The following GMDS variants were observed in gnomAD, a reference collection of about 807,000 sequenced individuals.
GMDS encodes GDP-mannose 4,6 dehydratase.
Under a neutral mutation model 49.9 loss-of-function variants are expected in GMDS, and 20 were observed. The ratio of observed to expected loss-of-function variants is 0.40; its 90% confidence interval spans 0.28 to 0.58. The LOEUF (loss-of-function observed/expected upper bound fraction) is 0.58. Ranked by LOEUF, GMDS falls within the 20% of genes least tolerant of loss-of-function variation. The pLI is 0.42. For missense variants in GMDS, 362 were observed against 481.4 expected (o/e 0.75, Z 2.32); for synonymous variants, 177 against 178.6 (o/e 0.99, Z 0.07).
At chr6:1,733,739 G>C (rs6596847) in intron 8 of GMDS, among the ~76,000 whole-genome samples, 149,761 of 152,218 alleles carry the variant, frequency 0.98, 73,693 homozygotes, top group East Asian at 1. Flanking sequence ...ATTGTCCCAA[G>C]TACTTGTGAG....
chr6:1,636,568 C>T (rs1048917260), intron 9 of GMDS, among the ~76,000 whole-genome samples: 4 of 152,210 alleles, frequency 2.6e-5, no homozygotes, highest in African/African-American at 9.7e-5. Context: ...CCTCTCTGGC[C>T]GTCCTGAAGG....
intron 7 of GMDS, among the ~76,000 whole-genome samples, chr6:1,813,242 A>C (rs1297508676): frequency 2.6e-5 from 4 of 151,344 alleles, no homozygotes; most frequent in African/African-American, 9.7e-5. Flanking sequence ...AAAAAAAAAA[A>C]AAAAAACCTT....
intron 7 of GMDS, among the ~76,000 whole-genome samples, chr6:1,927,436 C>T (rs922901276): frequency 3.3e-5 from 5 of 152,220 alleles, no homozygotes; most frequent in East Asian, 1.9e-4. Flanking sequence ...CAGAGGGTAG[C>T]GTGCTGTGTG....
chr6:1,747,062 T>C (rs1023071587), intron 7 of GMDS, among the ~76,000 whole-genome samples: 1 of 151,992 alleles, frequency 6.6e-6, no homozygotes, highest in Non-Finnish European at 1.5e-5. Context: ...TCCCATTTGG[T>C]AATTTGAGGG....
At chr6:2,007,816 A>G (rs1581506221) in intron 4 of GMDS, among the ~76,000 whole-genome samples, 1 of 152,328 alleles carries the variant, frequency 6.6e-6, no homozygotes, top group Non-Finnish European at 1.5e-5. Flanking sequence ...AATGGCTGAT[A>G]TTATAAAGTG....
At chr6:1,654,287 T>C (rs543349296) in intron 9 of GMDS, among the ~76,000 whole-genome samples, 1 of 152,192 alleles carries the variant, frequency 6.6e-6, no homozygotes, top group Non-Finnish European at 1.5e-5. Context: ...GAAAGCTGAG[T>C]CTCAAATAGA....
At chr6:2,107,481 G>A (rs944877836) in intron 4 of GMDS, among the ~76,000 whole-genome samples, 7 of 152,136 alleles carry the variant, frequency 4.6e-5, no homozygotes, top group African/African-American at 1.4e-4. Context: ...CAATCGTGGT[G>A]TTTATTCATT....
intron 1 of GMDS, among the ~76,000 whole-genome samples, chr6:2,208,117 C>T (rs751443542): frequency 2.6e-5 from 4 of 152,026 alleles, no homozygotes; most frequent in African/African-American, 9.7e-5. Flanking sequence ...ACCCAACACA[C>T]ATCATGTAAG....
chr6:1,886,799 C>T (rs1180504313), intron 7 of GMDS, among the ~76,000 whole-genome samples: 1 of 152,190 alleles, frequency 6.6e-6, no homozygotes. Context: ...CAGCTCCAGG[C>T]TTTAATTTGA....
chr6:1,953,259 G>A (rs189658370), intron 6 of GMDS, among the ~76,000 whole-genome samples: 3 of 152,168 alleles, frequency 2.0e-5, no homozygotes, highest in Admixed American at 2.0e-4. Flanking sequence ...GCTGTTCTTA[G>A]TGTAGGAAAT....
chr6:2,053,571 A>T (rs1370039467), intron 4 of GMDS, among the ~76,000 whole-genome samples: 1 of 150,818 alleles, frequency 6.6e-6, no homozygotes, highest in Non-Finnish European at 1.5e-5. Context: ...TACACTTATT[A>T]ACTTTTTATA....
At chr6:1,687,552 ACCGTCCTTCTCCTGTGTT>A (rs1375298488) in intron 9 of GMDS, among the ~76,000 whole-genome samples, 4 of 3,224 alleles carry the variant, frequency 1.2e-3, no homozygotes, top group African/African-American at 2.7e-3. Context: ...TGTTCCAGGC[ACCGTCCTTCTCCTGTGTT>A]CCAGGCACCG....
In GMDS at chr6:2,231,334, G is replaced by A. The variant is rs143991208; in HGVS notation, c.102+13987C>T. On this transcript the variant is annotated intron_variant, in intron 1 of 10. Coordinates refer to ENST00000380815, the MANE Select transcript of GMDS (RefSeq NM_001500.4). ...GCAGTTTAGGAGGCCTGAGGTGGGC[G>A]GATGGCTTGAGCTCACAAGTTTGAG... 6.2e-3 allele frequency among the ~76,000 whole-genome samples: 937 copies of A among 152,178 alleles called. 4 individuals are homozygous for A. The highest frequency in any genetic ancestry group is 0.017 in the Middle Eastern group (5 of 294).
chr6:2,012,346 G>A (rs963033051), intron 4 of GMDS, among the ~76,000 whole-genome samples: 1 of 152,038 alleles, frequency 6.6e-6, no homozygotes, highest in Non-Finnish European at 1.5e-5. Flanking sequence ...CTAATTAATA[G>A]AGATTTTCAC....
At chr6:1,782,361 T>C (rs1433396217) in intron 7 of GMDS, among the ~76,000 whole-genome samples, 1 of 152,198 alleles carries the variant, frequency 6.6e-6, no homozygotes, top group African/African-American at 2.4e-5. Flanking sequence ...TCTGTGAACA[T>C]TCATTTACTT....
chr6:2,135,990 A>G (rs966455125), intron 1 of GMDS, among the ~76,000 whole-genome samples: 1 of 152,244 alleles, frequency 6.6e-6, no homozygotes, highest in African/African-American at 2.4e-5. Flanking sequence ...AGCCAACTAC[A>G]TACCTAGGAT....
At chr6:1,965,017 CT>C (rs1297254353) in intron 4 of GMDS, among the ~76,000 whole-genome samples, 1 of 151,548 alleles carries the variant, frequency 6.6e-6, no homozygotes, top group Non-Finnish European at 1.5e-5. Flanking sequence ...TTTTTTATGG[CT>C]GCATAGTATT....
rs1767089112 is a variant in GMDS at position 1,737,937 on chromosome 6, CACACACATACACAGAT to C, written c.890+4515_890+4530del. The stretch of plus-strand genomic sequence containing the variant: ...ACCACACACAGATACATACACACCA[CACACACATACACAGAT>C]ACACACATACATACACACACATACA... On this transcript the variant is annotated intron_variant, in intron 8 of 10. Coordinates refer to ENST00000380815, the MANE Select transcript of GMDS (RefSeq NM_001500.4). Among the ~76,000 whole-genome samples the C allele has an allele frequency of 4.0e-5, 6 of 149,612 alleles. 1 individual carries two copies. The highest frequency in any genetic ancestry group is 1.5e-4 in the African/African-American group (6 of 40,424).
At chr6:1,839,940 T>C (rs1411974747) in intron 7 of GMDS, among the ~76,000 whole-genome samples, 1 of 150,612 alleles carries the variant, frequency 6.6e-6, no homozygotes, top group Non-Finnish European at 1.5e-5. Context: ...TTTTGGAAAC[T>C]GTTTTCATTT....
Sources: gnomAD v4.1 joint callset for allele counts (sites outside exome capture counted in the v4.1 genomes callset) on GRCh38, gnomAD v4.1.1 for gene constraint, MANE v1.5 for transcripts, NCBI Gene and HGNC (gene_info 2026-07-23, HGNC 2026-07-21) for gene names.